The following CLCA1 variants were observed in gnomAD, a reference collection of about 807,000 sequenced individuals.
CLCA1 encodes the protein chloride channel accessory 1.
Under a neutral mutation model 85.6 loss-of-function variants are expected in CLCA1, and 59 were observed. The observed-to-expected ratio is 0.69, with a 90% CI of 0.56 to 0.86. CLCA1 has a LOEUF of 0.86. CLCA1 is among the 40% of genes least tolerant of loss of function. The probability of loss-of-function intolerance (pLI) is 0.00; values close to 1 mark genes in which losing one functional copy is unlikely to be tolerated. For missense variants in CLCA1, 1,022 were observed against 1,101.4 expected (o/e 0.93, Z 1.02); for synonymous variants, 396 against 398.3 (o/e 0.99, Z 0.07).
In CLCA1 at chr1:86,472,189, T is replaced by G. The variant is rs995373597; in HGVS notation, c.163-1228T>G. 2.0e-5 allele frequency among the ~76,000 whole-genome samples: 3 copies of G among 152,192 alleles called. No homozygotes were observed. In the South Asian group the frequency reaches 6.2e-4, roughly 32 times the overall value. ...TGTTGTCTGTATTTACTGTCTCCAC[T>G]GCCTCACCTCCCACTTTCTTGAAAC... On this transcript the variant is annotated intron_variant, in intron 1 of 13. Coordinates refer to ENST00000394711, the MANE Select transcript of CLCA1 (RefSeq NM_001285.4).
chr1:86,489,671 A>C (rs896157247), intron 8 of CLCA1, among the ~76,000 whole-genome samples: 1 of 152,242 alleles, frequency 6.6e-6, no homozygotes, highest in Non-Finnish European at 1.5e-5. Flanking sequence ...AATGGAATAC[A>C]ATGCAGTTCC....
intron 1 of CLCA1, among the ~76,000 whole-genome samples, chr1:86,472,917 T>C (rs1029521201): frequency 1.3e-5 from 2 of 152,198 alleles, no homozygotes; most frequent in Non-Finnish European, 2.9e-5. Flanking sequence ...TACTACTTGC[T>C]GTGAGACCTT....
At chr1:86,492,109 C>A (rs1349165552) in intron 9 of CLCA1, among the ~76,000 whole-genome samples, 1 of 152,250 alleles carries the variant, frequency 6.6e-6, no homozygotes, top group African/African-American at 2.4e-5. Flanking sequence ...AGAGAGTGAA[C>A]AATCAGCATT....
chr1:86,478,636 TC>T (rs1270625541), intron 4 of CLCA1, among the ~76,000 whole-genome samples: 1 of 152,206 alleles, frequency 6.6e-6, no homozygotes, highest in East Asian at 1.9e-4. Context: ...CAGTTCTCTT[TC>T]CTAAGCTTCC....
chr1:86,470,378 A>T (rs5744305), intron 1 of CLCA1, among the ~76,000 whole-genome samples: 3 of 152,144 alleles, frequency 2.0e-5, no homozygotes, highest in African/African-American at 7.2e-5. Context: ...ATGTTGAGTG[A>T]GTTTTTGATT....
chr1:86,493,340 G>A (rs1410503926), intron 9 of CLCA1, 44 bp from the exon 10 acceptor site: 1 of 1,469,302 alleles, frequency 6.8e-7, no homozygotes, highest in East Asian at 2.3e-5. Context: ...ATCATGTGAT[G>A]GGAGCTGTAT....
chr1:86,494,291 C>T lies in CLCA1; in HGVS notation c.1785C>T (p.Ser595=), dbSNP rs1201097170. ...NATLPPITVT[S]KTNKDTSKFP... is the part of the protein sequence containing the mutation. ...CCCTGCCTCCAATTACAGTGACTTC[C>T]AAAACGAACAAGGACACCAGCAAAT... The change falls in exon 11 of 14, where the codon TCC becomes TCT. Residue 595 remains serine (S), a synonymous_variant. Transcript: ENST00000394711. 2 of 1,614,002 alleles carry T rather than the reference C, an allele frequency of 1.2e-6. No individual in the cohort carries two copies. Among genetic ancestry groups the T allele is most frequent in the Admixed American group, 3.3e-5 (2 of 59,986 alleles).
At chr1:86,482,757 T>C (rs1647853665) in intron 5 of CLCA1, among the ~76,000 whole-genome samples, 1 of 152,258 alleles carries the variant, frequency 6.6e-6, no homozygotes, top group African/African-American at 2.4e-5. Context: ...GATTTAACTT[T>C]CAGAGAGCTC....
At chr1:86,490,024 G>A (rs1648093635) in intron 8 of CLCA1, among the ~76,000 whole-genome samples, 1 of 152,200 alleles carries the variant, frequency 6.6e-6, no homozygotes, top group Non-Finnish European at 1.5e-5. Flanking sequence ...AAGCACTGAT[G>A]CAGACCTAGT....
chr1:86,469,502 G>A (rs1258071644), intron 1 of CLCA1, among the ~76,000 whole-genome samples: 2 of 152,142 alleles, frequency 1.3e-5, no homozygotes, highest in South Asian at 4.1e-4. Flanking sequence ...CCCTTGGCAC[G>A]AGTCAGACTC....
intron 3 of CLCA1, among the ~76,000 whole-genome samples, chr1:86,474,175 T>A (rs1046498460): frequency 6.6e-6 from 1 of 152,252 alleles, no homozygotes; most frequent in African/African-American, 2.4e-5. Context: ...TAAGTTTCTA[T>A]GGATATGTAA....
intron 4 of CLCA1, among the ~76,000 whole-genome samples, chr1:86,481,283 C>T (rs192107852): frequency 1.8e-4 from 28 of 151,620 alleles, no homozygotes; most frequent in African/African-American, 4.6e-4. Context: ...ATTACAGGTG[C>T]GCAACACCAT....
chr1:86,469,157 A>G, intron 1 of CLCA1, 24 bp downstream of exon 1: 1 of 1,546,838 alleles, frequency 6.5e-7, no homozygotes, highest in South Asian at 1.2e-5. Flanking sequence ...AATTATCCAT[A>G]CTTTTTTAAA....
rs762932387 is a variant in CLCA1, at chr1:86,485,454, A to G, written c.847A>G (p.Lys283Glu). 16 of 1,614,192 alleles carry G rather than the reference A, an allele frequency of 9.9e-6. 1 individual carries two copies. In the South Asian group the frequency reaches 1.4e-4, roughly 14 times the overall value. ...AGTGATCCGTGATTCTGAGGACTTT[A>G]AGAAAACCACTCCTATGACAACACA... ...WEVIRDSEDFKKTTPMTTQPP... is the reference protein window; with the variant it reads ...WEVIRDSEDFEKTTPMTTQPP... The change falls in exon 6 of 14, where the codon AAG becomes GAG. Residue 283 changes from lysine to glutamate, a missense_variant. Transcript: ENST00000394711.
chr1:86,496,413 A>C (rs1415624824), intron 12 of CLCA1, among the ~76,000 whole-genome samples: 1 of 152,204 alleles, frequency 6.6e-6, no homozygotes, highest in African/African-American at 2.4e-5. Flanking sequence ...CACTGAGCCC[A>C]CGTGTAAGCA....
Position 86,500,084 on chromosome 1 carries a change from TC to T in CLCA1, c.*41del, listed in dbSNP as rs1414359332. 4 of 1,423,432 alleles carry T rather than the reference TC, an allele frequency of 2.8e-6. No individual in the cohort carries two copies. The highest frequency in any genetic ancestry group is 2.2e-5 in the Admixed American group (1 of 46,412). 88.2% of individuals were successfully genotyped at this position (1,423,432 alleles called of 1,614,324 possible). On this transcript the variant is annotated 3_prime_UTR_variant, in exon 14 of 14. Transcript: ENST00000394711. ...TCAGATAAATAAAATAAATCATTCA[TC>T]CTTTTTTTTGATTATAAAATTTTCT...
rs764395097 is a variant in CLCA1, at chr1:86,495,727, G to C, written c.2113+52G>C. The C allele has an allele frequency of 3.9e-6, 6 of 1,520,834 alleles. No homozygotes were observed. In the East Asian group the frequency reaches 1.4e-4, roughly 36 times the overall value. 94.2% of individuals were successfully genotyped at this position (1,520,834 alleles called of 1,614,324 possible). On this transcript the variant is annotated intron_variant, in intron 12 of 13. Coordinates refer to ENST00000394711, the MANE Select transcript of CLCA1 (RefSeq NM_001285.4). ...GCTTGTGCAAAAGCATTGGTTTCAAGAGGAAACTATTAAGCCTGTGGGGCA... is the reference window on the plus strand; with the variant it reads ...GCTTGTGCAAAAGCATTGGTTTCAACAGGAAACTATTAAGCCTGTGGGGCA...
At chr1:86,485,199 C>A in intron 5 of CLCA1, 144 bp from the exon 6 acceptor site, 2 of 659,776 alleles carry the variant, frequency 3.0e-6, no homozygotes, top group Admixed American at 2.8e-5. Context: ...TGCATTATTA[C>A]TGTGATTTTC....
Position 86,469,125 on chromosome 1 carries a change from C to A in CLCA1, c.154C>A (p.Gln52Lys). The change falls in exon 1 of 14, where the codon CAA becomes AAA. Residue 52 changes from glutamine to lysine, a missense_variant. Physicochemically the swap from Gln to Lys is moderately conservative, Grantham distance 53. Transcript: ENST00000394711. ...GCCAGAAGATGAAACACTCATTCAA[C>A]AAATAAAGGTAAGTTCATAGTAATT... ...NVPEDETLIQ[Q>K]IKDMVTQASL... is the part of the protein sequence containing the mutation. The A allele has an allele frequency of 1.2e-6, 2 of 1,602,134 alleles. No individual in the cohort carries two copies. The highest frequency in any genetic ancestry group is 1.7e-6 in the Non-Finnish European group (2 of 1,172,920).
Sources: allele counts gnomAD v4.1 joint callset (sites outside exome capture counted in the v4.1 genomes callset), GRCh38; gene constraint gnomAD v4.1.1; transcripts MANE v1.5; gene names NCBI Gene and HGNC (gene_info 2026-07-23, HGNC 2026-07-21).